Variants in WNT7A observed in about 807,000 individuals in gnomAD.
The protein encoded by WNT7A is protein Wnt-7a.
WNT7A carries 16 observed loss-of-function variants against 28.2 expected under a neutral mutation model. The ratio of observed to expected loss-of-function variants is 0.57; its 90% CI spans 0.38 to 0.86. WNT7A has a LOEUF of 0.86. Ranked by LOEUF, WNT7A falls within the 40% of genes least tolerant of loss-of-function variation. WNT7A has a pLI of 0.00. For missense variants in WNT7A, 411 were observed against 489.7 expected (o/e 0.84, Z 1.52); for synonymous variants, 190 against 195.9 (o/e 0.97, Z 0.25).
At chr3:13,856,881 GA>G (rs1559303137) in intron 2 of WNT7A, among the ~76,000 whole-genome samples, 80 of 64,022 alleles carry the variant, frequency 1.2e-3, no homozygotes, top group African/African-American at 6.3e-3. Flanking sequence ...GGAAGAAGAG[GA>G]AGAAGAAGAA....
chr3:13,857,236 C>A (rs1694760988), intron 2 of WNT7A, among the ~76,000 whole-genome samples: 1 of 152,136 alleles, frequency 6.6e-6, no homozygotes, highest in Non-Finnish European at 1.5e-5. Context: ...GACAGAACTG[C>A]CAGCAAGATA....
intron 2 of WNT7A, among the ~76,000 whole-genome samples, chr3:13,870,547 G>T (rs1462306094): frequency 6.6e-6 from 1 of 152,236 alleles, no homozygotes; most frequent in Non-Finnish European, 1.5e-5. Context: ...CTGAGAGATG[G>T]TCTGGGTGGG....
At chr3:13,832,586 AG>A (rs1694299230) in intron 3 of WNT7A, among the ~76,000 whole-genome samples, 1 of 151,820 alleles carries the variant, frequency 6.6e-6, no homozygotes, top group South Asian at 2.1e-4. Context: ...CTTAGCAGAA[AG>A]CTGCATTTCA....
At chr3:13,833,538 C>G (rs1234554249) in intron 3 of WNT7A, among the ~76,000 whole-genome samples, 2 of 152,180 alleles carry the variant, frequency 1.3e-5, no homozygotes, top group Admixed American at 6.5e-5. Flanking sequence ...TAGTCGAGCC[C>G]CACACAGTGC....
At chr3:13,849,060 C>G (rs1694588077) in intron 3 of WNT7A, among the ~76,000 whole-genome samples, 1 of 152,158 alleles carries the variant, frequency 6.6e-6, no homozygotes, top group African/African-American at 2.4e-5. Flanking sequence ...AAGTGGAGAG[C>G]AAATTAGTGC....
intron 3 of WNT7A, among the ~76,000 whole-genome samples, chr3:13,848,115 A>G (rs528444576): frequency 2.6e-5 from 4 of 152,196 alleles, no homozygotes; most frequent in African/African-American, 9.6e-5. Flanking sequence ...AACTTTTAGG[A>G]AAAAAAATAT....
At position 13,879,845 on chromosome 3, in the gene WNT7A, C is replaced by T; in HGVS notation, c.-29G>A. 6.3e-7 allele frequency: 1 copy of T among 1,592,832 alleles called. No individual in the cohort carries two copies. The highest frequency in any genetic ancestry group is 8.6e-7 in the Non-Finnish European group (1 of 1,168,454). On this transcript the variant is annotated 5_prime_UTR_variant, in exon 1 of 4. Transcript: ENST00000285018. ...CCCGATTGGCCGCCGGGGCCGCGGGCCGGGCTGTGCTGATCCCGCGGGCCG... is the reference window on the plus strand; with the variant it reads ...CCCGATTGGCCGCCGGGGCCGCGGGTCGGGCTGTGCTGATCCCGCGGGCCG...
intron 3 of WNT7A, among the ~76,000 whole-genome samples, chr3:13,840,218 C>T (rs187555646): frequency 6.6e-6 from 1 of 152,206 alleles, no homozygotes; most frequent in South Asian, 2.1e-4. Flanking sequence ...CTCTCCTGAT[C>T]GCCTAAAATA....
In WNT7A at chr3:13,874,200, G is replaced by T. The variant is rs545804454; in HGVS notation, c.298+747C>A. Among the ~76,000 whole-genome samples the T allele has an allele frequency of 6.6e-5, 10 of 152,344 alleles. No homozygotes were observed. In the East Asian group the frequency reaches 1.4e-3, roughly 21 times the overall value. ...ACAGTGCAGAAGCCAGCCTGTGGCA[G>T]TTTCTGGTCCCCTAATGCACACGCA... is the stretch of plus-strand genomic sequence containing the variant. On this transcript the variant is annotated intron_variant, in intron 2 of 3. Transcript: ENST00000285018.
chr3:13,877,856 TG>T (rs573437528), intron 1 of WNT7A, among the ~76,000 whole-genome samples: 60 of 152,324 alleles, frequency 3.9e-4, no homozygotes, highest in African/African-American at 1.4e-3. Flanking sequence ...CGGAGTCACC[TG>T]AACTATCCGA....
chr3:13,868,479 GGAAAGAACGAAA>G lies in WNT7A; in HGVS notation c.298+6456_298+6467del, dbSNP rs1264037010. Among the ~76,000 whole-genome samples the G allele has an allele frequency of 2.5e-3, 294 of 118,614 alleles. 1 individual carries two copies. The highest frequency in any genetic ancestry group is 8.5e-3 in the African/African-American group (241 of 28,236). The allele number at this position is 118,614 out of a possible 152,430, so 77.8% of individuals were successfully genotyped here. A position where few individuals can be genotyped will look rare whatever the true frequency, so the allele number is the denominator to read the frequency against. ...GACAGAGAGAGACCCTGTCAGAAAA[GGAAAGAACGAAA>G]GAAAGAAAGAAAGAAAGAGAGAGAG... On this transcript the variant is annotated intron_variant, in intron 2 of 3. Transcript: ENST00000285018.
At chr3:13,869,676 A>G (rs1275855186) in intron 2 of WNT7A, among the ~76,000 whole-genome samples, 1 of 127,114 alleles carries the variant, frequency 7.9e-6, no homozygotes, top group East Asian at 2.9e-4. Flanking sequence ...GGAGGGAGGG[A>G]GGGAGGAAGG....
chr3:13,877,790 G>A (rs1357160185), intron 1 of WNT7A, among the ~76,000 whole-genome samples: 2 of 152,342 alleles, frequency 1.3e-5, no homozygotes, highest in East Asian at 1.9e-4. Context: ...AAATGTGGTG[G>A]TGGTGTTGTA....
intron 2 of WNT7A, among the ~76,000 whole-genome samples, chr3:13,872,341 T>C (rs1316398937): frequency 6.6e-6 from 1 of 152,156 alleles, no homozygotes; most frequent in African/African-American, 2.4e-5. Context: ...AATATATGTA[T>C]ATCAACATAT....
At position 13,816,627 on chromosome 3, in the gene WNT7A, C is replaced by T. The variant is rs1200303613; in HGVS notation, c.*2317G>A. Reference sequence around the variant, plus strand: ...TTTCCAAAGCAAAGATAAAATGTGACCTGTGGACTCCCAAGAAACTGCTCA... The same window carrying T: ...TTTCCAAAGCAAAGATAAAATGTGATCTGTGGACTCCCAAGAAACTGCTCA... On this transcript the variant is annotated 3_prime_UTR_variant, in exon 4 of 4. Transcript: ENST00000285018. 1 of 152,190 alleles carries T rather than the reference C, an allele frequency of 6.6e-6. No individual in the cohort carries two copies. Among genetic ancestry groups the T allele is most frequent in the Non-Finnish European group, 1.5e-5 (1 of 68,032 alleles). 9.4% of individuals were successfully genotyped at this position (152,190 alleles called of 1,614,324 possible).
At chr3:13,853,122 A>T (rs1694666406) in intron 3 of WNT7A, among the ~76,000 whole-genome samples, 1 of 152,174 alleles carries the variant, frequency 6.6e-6, no homozygotes. Flanking sequence ...CCCAGCAACC[A>T]CAAGGCACTC....
chr3:13,847,227 C>A (rs549369381), intron 3 of WNT7A, among the ~76,000 whole-genome samples: 1 of 152,194 alleles, frequency 6.6e-6, no homozygotes, highest in Admixed American at 6.5e-5. Context: ...CTAGTCTGGG[C>A]TCCTTTCTCT....
chr3:13,858,131 G>A (rs1694776146), intron 2 of WNT7A, among the ~76,000 whole-genome samples: 1 of 152,216 alleles, frequency 6.6e-6, no homozygotes. Context: ...CGGCCTCTGG[G>A]CACCCCATGT....
chr3:13,825,820 T>C (rs377197011), intron 3 of WNT7A, among the ~76,000 whole-genome samples: 1 of 152,336 alleles, frequency 6.6e-6, no homozygotes, highest in East Asian at 1.9e-4. Context: ...CATCCAAGTG[T>C]GAGTCCTCTA....
Sources: allele counts gnomAD v4.1 joint callset (sites outside exome capture counted in the v4.1 genomes callset), GRCh38; gene constraint gnomAD v4.1.1; transcripts MANE v1.5; gene names NCBI Gene and HGNC (gene_info 2026-07-23, HGNC 2026-07-21).